The following LTBP1 variants were observed in gnomAD, a reference collection of about 807,000 sequenced individuals.
LTBP1 encodes the protein latent transforming growth factor beta binding protein 1.
Under a neutral mutation model 207.6 loss-of-function variants are expected in LTBP1, and 129 were observed. The ratio of observed to expected loss-of-function variants is 0.62; its 90% CI spans 0.54 to 0.72. The LOEUF (loss-of-function observed/expected upper bound fraction) is 0.72. Among genes scored for constraint, LTBP1 ranks in the 30% least tolerant of loss-of-function variants. The pLI, the probability that LTBP1 is intolerant of heterozygous loss-of-function variation, is 0.00. For synonymous variants in LTBP1, 963 were observed against 833.7 expected, an observed-to-expected ratio of 1.16 and a Z score of -2.67; for missense variants, 2,281 against 2,217.2, an observed-to-expected ratio of 1.03 and a Z score of -0.58.
chr2:32,965,410 A>G (rs1314902571), intron 2 of LTBP1, among the ~76,000 whole-genome samples: 1 of 152,156 alleles, frequency 6.6e-6, no homozygotes, highest in Non-Finnish European at 1.5e-5. Context: ...CAAATATATA[A>G]TAACATACAT....
At chr2:33,281,938 T>G (rs1333652323) in intron 19 of LTBP1, among the ~76,000 whole-genome samples, 3 of 152,008 alleles carry the variant, frequency 2.0e-5, no homozygotes, top group Non-Finnish European at 4.4e-5. Flanking sequence ...TAACTACAAT[T>G]CATAATAGTA....
At chr2:33,293,431 G>A (rs1017035369) in intron 20 of LTBP1, 149 bp downstream of exon 20, 14 of 663,454 alleles carry the variant, frequency 2.1e-5, no homozygotes, top group African/African-American at 5.6e-5. Context: ...GGCTGAAAGT[G>A]GCTCCTTGCT....
At chr2:33,140,844 T>C (rs1184030692) in intron 5 of LTBP1, among the ~76,000 whole-genome samples, 5 of 152,096 alleles carry the variant, frequency 3.3e-5, no homozygotes, top group African/African-American at 9.6e-5. Context: ...ATTTTTTGTA[T>C]TTTCAGTAGA....
At chr2:33,382,063 C>T (rs2095220636) in intron 31 of LTBP1, among the ~76,000 whole-genome samples, 1 of 141,256 alleles carries the variant, frequency 7.1e-6, no homozygotes. Flanking sequence ...GCAGTTAGCG[C>T]CCTACTGCTT....
intron 26 of LTBP1, among the ~76,000 whole-genome samples, chr2:33,358,308 A>G (rs935280607): frequency 6.6e-6 from 1 of 152,018 alleles, no homozygotes; most frequent in African/African-American, 2.4e-5. Context: ...AAAGGCAAAG[A>G]TTGTTTTATT....
chr2:33,238,709 T>C (rs1280691470), intron 9 of LTBP1, among the ~76,000 whole-genome samples: 3 of 152,204 alleles, frequency 2.0e-5, no homozygotes, highest in African/African-American at 7.2e-5. Context: ...CCATCCTTTT[T>C]AGAAATATGG....
At chr2:33,356,526 A>G (rs898380195) in intron 26 of LTBP1, among the ~76,000 whole-genome samples, 14 of 152,094 alleles carry the variant, frequency 9.2e-5, no homozygotes, top group Admixed American at 9.2e-4. Flanking sequence ...AAAAATACAA[A>G]AAATTCGCCG....
intron 22 of LTBP1, 123 bp from the exon 23 acceptor site, chr2:33,309,311 C>A: frequency 1.0e-5 from 6 of 580,264 alleles, no homozygotes; most frequent in Non-Finnish European, 1.1e-5. Context: ...AAAAAGTTGT[C>A]ATGTATTTAA....
At chr2:33,099,093 A>G (rs1014977049) in intron 3 of LTBP1, among the ~76,000 whole-genome samples, 6 of 152,158 alleles carry the variant, frequency 3.9e-5, no homozygotes, top group Non-Finnish European at 7.3e-5. Flanking sequence ...GCTTTAGGGG[A>G]AAAAAACCCT....
intron 18 of LTBP1, among the ~76,000 whole-genome samples, chr2:33,278,425 C>T (rs901663457): frequency 2.6e-5 from 4 of 152,248 alleles, no homozygotes; most frequent in South Asian, 2.1e-4. Flanking sequence ...CAAACGTCCC[C>T]GGGCTTCTGG....
intron 5 of LTBP1, among the ~76,000 whole-genome samples, chr2:33,180,283 C>T (rs574729803): frequency 3.6e-4 from 55 of 152,238 alleles, no homozygotes; most frequent in African/African-American, 1.2e-3. Flanking sequence ...AAAACCAGTC[C>T]ACATTCTTCT....
intron 23 of LTBP1, among the ~76,000 whole-genome samples, chr2:33,314,696 T>A (rs1294222545): frequency 6.6e-6 from 1 of 152,212 alleles, no homozygotes; most frequent in Non-Finnish European, 1.5e-5. Flanking sequence ...ATAAGACATG[T>A]CTAGCCTTGC....
rs77251651 is a variant in LTBP1 at position 32,953,850 on chromosome 2, T to C, written c.565+4905T>C. On this transcript the variant is annotated intron_variant, in intron 2 of 33. Coordinates refer to ENST00000404816, the MANE Select transcript of LTBP1 (RefSeq NM_206943.4). ...TTCGAGAGCTCAAATTAAATTTTCC[T>C]AAAGTGCAGATTTTGCTTCCCAGTC... 5.8e-3 allele frequency among the ~76,000 whole-genome samples: 887 copies of C among 152,296 alleles called. 8 individuals are homozygous for C. The highest frequency in any genetic ancestry group is 0.02 in the African/African-American group (814 of 41,568).
intron 24 of LTBP1, among the ~76,000 whole-genome samples, chr2:33,333,895 T>G (rs1243834508): frequency 2.0e-5 from 3 of 150,622 alleles, no homozygotes; most frequent in African/African-American, 4.9e-5. Flanking sequence ...AGGACTAAGC[T>G]CTGAGAAATG....
At chr2:33,212,919 G>C (rs2090419649) in intron 7 of LTBP1, among the ~76,000 whole-genome samples, 1 of 152,182 alleles carries the variant, frequency 6.6e-6, no homozygotes, top group Admixed American at 6.5e-5. Context: ...AATACTTCTA[G>C]TCCCAAGCGT....
At chr2:33,122,024 A>C (rs1236954921) in intron 4 of LTBP1, among the ~76,000 whole-genome samples, 7 of 145,590 alleles carry the variant, frequency 4.8e-5, no homozygotes, top group Non-Finnish European at 6.0e-5. Flanking sequence ...TCTTCCCCCC[A>C]CCCTGCCCCC....
chr2:32,967,228 A>G (rs1680144098), intron 2 of LTBP1, among the ~76,000 whole-genome samples: 1 of 151,990 alleles, frequency 6.6e-6, no homozygotes. Flanking sequence ...TAGCCTGGTT[A>G]GAGGCTTATC....
At chr2:33,027,436 C>A (rs2075473123) in intron 3 of LTBP1, among the ~76,000 whole-genome samples, 1 of 152,138 alleles carries the variant, frequency 6.6e-6, no homozygotes, top group Non-Finnish European at 1.5e-5. Context: ...AGTCACCATG[C>A]TCTTTGTTAG....
At position 33,134,558 on chromosome 2, in the gene LTBP1, C is replaced by A; in HGVS notation, c.1034-235C>A. 1 of 1,529,236 alleles carries A rather than the reference C, an allele frequency of 6.5e-7. No individual in the cohort carries two copies. Among genetic ancestry groups the A allele is most frequent in the Non-Finnish European group, 8.8e-7 (1 of 1,134,086 alleles). 94.7% of individuals were successfully genotyped at this position (1,529,236 alleles called of 1,614,324 possible). A position where few individuals can be genotyped will look rare whatever the true frequency, so the allele number is the denominator to read the frequency against. On this transcript the variant is annotated intron_variant, in intron 4 of 33. Transcript: ENST00000404816. This position sits in a 1 kb window ranked among gnomAD's most constrained non-coding sequence, Gnocchi z 4.4. ...CTTCAAATGTGGTTTTGGAGTGCAT[C>A]CCAGAGTTCTGTTTGCTAAGCTTCC...
Sources: gnomAD v4.1 joint callset for allele counts (sites outside exome capture counted in the v4.1 genomes callset) on GRCh38, gnomAD v4.1.1 for gene constraint, Gnocchi (gnomAD v3.1) non-coding constraint, MANE v1.5 for transcripts, NCBI Gene and HGNC (gene_info 2026-07-23, HGNC 2026-07-21) for gene names.